NDUFS7: variants seen among roughly 807,000 people sequenced by gnomAD.
NDUFS7 encodes the protein NADH:ubiquinone oxidoreductase core subunit S7, also known as NADH dehydrogenase [ubiquinone] iron-sulfur protein 7, mitochondrial.
Under a neutral mutation model 31.1 loss-of-function variants are expected in NDUFS7, and 11 were observed. The ratio of observed to expected loss-of-function variants is 0.35; its 90% CI spans 0.22 to 0.59. The LOEUF (loss-of-function observed/expected upper bound fraction) is 0.59. NDUFS7 is among the 20% of genes least tolerant of loss of function. The probability of loss-of-function intolerance (pLI) is 0.79; values close to 1 mark genes in which losing one functional copy is unlikely to be tolerated. For missense variants in NDUFS7, 263 were observed against 324.2 expected, an observed-to-expected ratio of 0.81 and a Z score of 1.45; for synonymous variants, 136 against 127.9, an observed-to-expected ratio of 1.06 and a Z score of -0.43.
chr19:1,387,917 GGGTGGGGGGTGGGGGGA>G lies in NDUFS7; in HGVS notation c.53+72_53+88del, dbSNP rs1331589688. ...CAGCGACAGACGAACGGGGCGGGGGGGGTGGGGGGTGGGGGGAGCGCCTTGTTGAAGGTCACGTGTCA... is the reference window on the plus strand; with the variant it reads ...CAGCGACAGACGAACGGGGCGGGGGGGCGCCTTGTTGAAGGTCACGTGTCA... On this transcript the variant is annotated intron_variant, in intron 2 of 7. Transcript: ENST00000233627. 7 of 378,064 alleles carry G rather than the reference GGGTGGGGGGTGGGGGGA, an allele frequency of 1.9e-5. 1 individual carries two copies. The highest frequency in any genetic ancestry group is 8.0e-5 in the East Asian group (1 of 12,518). 23.4% of individuals were successfully genotyped at this position (378,064 alleles called of 1,614,324 possible).
At chr19:1,388,251 C>A (rs147904290) in intron 2 of NDUFS7, 2 of 590,574 alleles carry the variant, frequency 3.4e-6, no homozygotes, top group Admixed American at 5.9e-5. Context: ...CTGCCAGTTT[C>A]CTTCTGTGGA....
intron 4 of NDUFS7, 68 bp from the exon 5 acceptor site, chr19:1,390,803 C>T (rs1190446340): frequency 3.9e-6 from 6 of 1,539,858 alleles, no homozygotes; most frequent in Middle Eastern, 1.9e-4. Context: ...GGGTGCTCCA[C>T]GTGGAGTCTC....
chr19:1,389,235 A>G lies in NDUFS7; in HGVS notation c.228+297A>G, dbSNP rs759921757. ...CACACATACACACATGCACACTTGCACTCATGCACACTCATGCGCACATAT... is the reference window on the plus strand; with the variant it reads ...CACACATACACACATGCACACTTGCGCTCATGCACACTCATGCGCACATAT... On this transcript the variant is annotated intron_variant, in intron 4 of 7. Coordinates refer to ENST00000233627, the MANE Select transcript of NDUFS7 (RefSeq NM_024407.5). The G allele has an allele frequency of 2.4e-5, 16 of 662,228 alleles. 1 individual carries two copies. The South Asian group carries it at 2.4e-4, about 10-fold the overall frequency. The allele number at this position is 662,228 out of a possible 1,614,324, so 41.0% of individuals were successfully genotyped here.
chr19:1,384,639 C>T (rs531343094), intron 1 of NDUFS7, among the ~76,000 whole-genome samples: 2 of 152,262 alleles, frequency 1.3e-5, no homozygotes, highest in Admixed American at 6.5e-5. Flanking sequence ...CGCGATCTAG[C>T]GGCAGGTCTA....
At position 1,395,540 on chromosome 19, in the gene NDUFS7, T is replaced by C; in HGVS notation, c.*52T>C. ...GTCGCCGTCCTGTCCCCAGCCTGCT[T>C]GTGTCCCGTGAGGTTGTCAATAAAC... On this transcript the variant is annotated 3_prime_UTR_variant, in exon 8 of 8. Coordinates refer to ENST00000233627, the MANE Select transcript of NDUFS7 (RefSeq NM_024407.5). 6.5e-7 allele frequency: 1 copy of C among 1,545,392 alleles called. No homozygotes were observed. Among genetic ancestry groups the C allele is most frequent in the Non-Finnish European group, 8.8e-7 (1 of 1,142,660 alleles).
At chr19:1,395,104 G>A (rs919614558) in intron 7 of NDUFS7, 16 of 1,322,484 alleles carry the variant, frequency 1.2e-5, no homozygotes, top group South Asian at 1.7e-5. Context: ...GGGGCCGGGG[G>A]CCGGGTTAGT....
At chr19:1,392,367 C>T (rs1381295669) in intron 6 of NDUFS7, 2 of 152,176 alleles carry the variant, frequency 1.3e-5, no homozygotes, top group East Asian at 1.9e-4. Flanking sequence ...CCTTTTAAAG[C>T]GAGCAGTTCA....
chr19:1,391,313 C>T (rs1328271456), intron 6 of NDUFS7, 148 bp downstream of exon 6: 2 of 1,012,710 alleles, frequency 2.0e-6, no homozygotes, highest in Non-Finnish European at 3.0e-6. Context: ...TCGGTGCCTC[C>T]ACCCTAGGCA....
intron 4 of NDUFS7, chr19:1,389,424 C>A: frequency 4.4e-6 from 2 of 458,540 alleles, no homozygotes; most frequent in South Asian, 3.1e-5. Flanking sequence ...CACACCCCTG[C>A]GGCCGTGGAG....
intron 4 of NDUFS7, chr19:1,389,489 C>G (rs552702807): frequency 2.2e-6 from 1 of 457,408 alleles, no homozygotes; most frequent in Non-Finnish European, 4.4e-6. Context: ...GTGGTTCCAT[C>G]TGAGGATTCG....
chr19:1,391,157 C>T lies in NDUFS7; in HGVS notation c.447C>T (p.Ser149=), dbSNP rs779411082. The part of the protein sequence containing the change: ...DQMPEPRYVV[S]MGSCANGGGY... ...TGCCGGAGCCGCGCTACGTGGTCTCCATGGGGAGGTGAGTGCAGGGCGGGG... is the reference window on the plus strand; with the variant it reads ...TGCCGGAGCCGCGCTACGTGGTCTCTATGGGGAGGTGAGTGCAGGGCGGGG... Residue 149 remains serine, a synonymous_variant, in exon 6 of 8, where the codon TCC becomes TCT. Coordinates refer to ENST00000233627, the MANE Select transcript of NDUFS7 (RefSeq NM_024407.5). 6.2e-6 allele frequency: 10 copies of T among 1,612,298 alleles called. No individual in the cohort carries two copies. The highest frequency in any genetic ancestry group is 5.9e-6 in the Non-Finnish European group (7 of 1,179,516).
intron 1 of NDUFS7, 165 bp from the exon 2 acceptor site, chr19:1,387,642 ACTCT>A (rs1040685420): frequency 1.5e-6 from 1 of 663,444 alleles, no homozygotes. Flanking sequence ...GGGGACTAAG[ACTCT>A]CTCGTGTTCT....
chr19:1,395,365 G>T, intron 7 of NDUFS7, 26 bp from the exon 8 acceptor site: 1 of 1,591,424 alleles, frequency 6.3e-7, no homozygotes, highest in Non-Finnish European at 8.5e-7. Context: ...GCTGCGGGAA[G>T]CGAGACTGAG....
At chr19:1,394,415 C>G (rs1204174706) in intron 7 of NDUFS7, 2 of 1,289,112 alleles carry the variant, frequency 1.6e-6, no homozygotes, top group Non-Finnish European at 2.0e-6. Context: ...TCCCTCCTTG[C>G]AGACTGAGCT....
chr19:1,389,280 C>G (rs1015435952), intron 4 of NDUFS7: 3 of 595,072 alleles, frequency 5.0e-6, no homozygotes, highest in Non-Finnish European at 3.2e-6. Flanking sequence ...CACGCACACT[C>G]GCACACACGT....
chr19:1,395,174 G>A, intron 7 of NDUFS7: 1 of 1,418,800 alleles, frequency 7.0e-7, no homozygotes, highest in Non-Finnish European at 9.2e-7. Context: ...ACGGGTGGAG[G>A]GCAGTGGGGC....
chr19:1,390,823 CACG>C (rs2082549940), intron 4 of NDUFS7, 45 bp from the exon 5 acceptor site: 1 of 1,588,748 alleles, frequency 6.3e-7, no homozygotes, highest in Admixed American at 1.7e-5. Flanking sequence ...CACGCTGGGC[CACG>C]CGGGGCTCCG....
chr19:1,384,028 G>C (rs938668799), intron 1 of NDUFS7, 86 bp downstream of exon 1: 1 of 1,418,682 alleles, frequency 7.0e-7, no homozygotes, highest in Non-Finnish European at 9.4e-7. Context: ...TCGGGGGTCG[G>C]TGCCGGCGTC....
intron 7 of NDUFS7, chr19:1,394,633 T>C (rs1305662209): frequency 9.8e-6 from 12 of 1,221,832 alleles, no homozygotes; most frequent in African/African-American, 8.3e-5. Flanking sequence ...CGGACCGCGC[T>C]CCTCCCTCCC....
Sources: gnomAD v4.1 joint callset for allele counts (sites outside exome capture counted in the v4.1 genomes callset) on GRCh38, gnomAD v4.1.1 for gene constraint, MANE v1.5 for transcripts, NCBI Gene and HGNC (gene_info 2026-07-23, HGNC 2026-07-21) for gene names.